Variants in NRG3 observed in about 807,000 individuals in gnomAD.
The protein encoded by NRG3 is pro-neuregulin-3, membrane-bound isoform.
Under a neutral mutation model 66.9 loss-of-function variants are expected in NRG3, and 31 were observed. That is an observed-to-expected ratio of 0.46 (90% confidence interval 0.35 to 0.63). The LOEUF (loss-of-function observed/expected upper bound fraction) is 0.63, where lower values mean the gene tolerates loss of function less well. Among genes scored for constraint, NRG3 ranks in the 20% least tolerant of loss-of-function variants. NRG3 has a pLI of 0.00. For synonymous variants in NRG3, 393 were observed against 359.4 expected (o/e 1.09, Z -1.06); for missense variants, 910 against 878.9 (o/e 1.04, Z -0.45).
intron 1 of NRG3, among the ~76,000 whole-genome samples, chr10:81,983,769 T>C (rs1334986820): frequency 3.9e-5 from 6 of 152,232 alleles, no homozygotes; most frequent in African/African-American, 1.4e-4. Flanking sequence ...AGTATCTTTC[T>C]TGTTTTACTC....
At chr10:82,138,572 TTTA>T (rs1348872802) in intron 1 of NRG3, among the ~76,000 whole-genome samples, 23 of 151,998 alleles carry the variant, frequency 1.5e-4, no homozygotes, top group Admixed American at 1.5e-3. Flanking sequence ...TGAAAGGGAG[TTTA>T]TTAAGGAGAA....
intron 3 of NRG3, among the ~76,000 whole-genome samples, chr10:82,743,345 G>A (rs1216923209): frequency 6.6e-6 from 1 of 152,110 alleles, no homozygotes; most frequent in African/African-American, 2.4e-5. Context: ...AAAGCACCTG[G>A]AAAGATGCTA....
Position 82,720,810 on chromosome 10 carries a change from C to CATATACATATATATATATATATATATAT in NRG3, c.954-17762_954-17761insCATATATATATATATATATATATATATA, listed in dbSNP as rs571675177. Among the ~76,000 whole-genome samples, 70 of 114,686 alleles carry CATATACATATATATATATATATATATAT rather than the reference C, an allele frequency of 6.1e-4. 1 individual carries two copies. Among genetic ancestry groups the CATATACATATATATATATATATATATAT allele is most frequent in the African/African-American group, 2.5e-3 (58 of 22,806 alleles). 75.2% of individuals were successfully genotyped at this position (114,686 alleles called of 152,430 possible). A position where few individuals can be genotyped will look rare whatever the true frequency, so the allele number is the denominator to read the frequency against. Reference sequence around the variant, plus strand: ...AACACATATATAGGAGTATTTTATACATATATATATATATATATATATATA... The same window carrying CATATACATATATATATATATATATATAT: ...AACACATATATAGGAGTATTTTATACATATACATATATATATATATATATATATATATATATATATATATATATATATA... On this transcript the variant is annotated intron_variant, in intron 2 of 8. Coordinates refer to ENST00000372141, the MANE Select transcript of NRG3 (RefSeq NM_001010848.4).
At position 82,973,996 on chromosome 10, in the gene NRG3, A is replaced by G. The variant is rs1852013340; in HGVS notation, c.1412+81A>G. ...GTGGCACATGCCAAGGACTGGCAGC[A>G]TGACTTAGGAGAGACAACTGTTCTT... On this transcript the variant is annotated intron_variant, in intron 7 of 8. Transcript: ENST00000372141. 3 of 1,513,170 alleles carry G rather than the reference A, an allele frequency of 2.0e-6. No homozygotes were observed. The African/African-American group carries it at 4.1e-5, about 21-fold the overall frequency. 93.7% of individuals were successfully genotyped at this position (1,513,170 alleles called of 1,614,324 possible). A position where few individuals can be genotyped will look rare whatever the true frequency, so the allele number is the denominator to read the frequency against.
intron 2 of NRG3, among the ~76,000 whole-genome samples, chr10:82,402,317 T>G: frequency 6.6e-6 from 1 of 152,296 alleles, no homozygotes; most frequent in East Asian, 1.9e-4. Flanking sequence ...ATGAACCTTC[T>G]GAAATTTCAG....
chr10:82,516,061 T>C (rs909819962), intron 2 of NRG3, among the ~76,000 whole-genome samples: 1 of 152,130 alleles, frequency 6.6e-6, no homozygotes, highest in African/African-American at 2.4e-5. Context: ...TCAGAACTTG[T>C]ATGGCCAATC....
At chr10:82,531,622 A>G (rs1468027817) in intron 2 of NRG3, among the ~76,000 whole-genome samples, 1 of 151,876 alleles carries the variant, frequency 6.6e-6, no homozygotes, top group Non-Finnish European at 1.5e-5. Flanking sequence ...CCCAGTTTAC[A>G]CATTAAATCA....
At chr10:81,890,819 T>A (rs1023968342) in intron 1 of NRG3, among the ~76,000 whole-genome samples, 1 of 152,204 alleles carries the variant, frequency 6.6e-6, no homozygotes, top group Non-Finnish European at 1.5e-5. Flanking sequence ...AGAGTGTCTA[T>A]GCAAGCAAGC....
rs76016230 is a variant in NRG3, at chr10:82,335,228, T to C, written c.824-23511T>C. Among the ~76,000 whole-genome samples, 1,054 of 152,292 alleles carry C rather than the reference T, an allele frequency of 6.9e-3. 10 individuals are homozygous for C. The highest frequency in any genetic ancestry group is 0.024 in the African/African-American group (995 of 41,568). ...TGTTTAGATGTGATGCCTAAAATCA[T>C]GGCAGCTATCTGTGACAAGGGAGCC... On this transcript the variant is annotated intron_variant, in intron 1 of 8. Coordinates refer to ENST00000372141, the MANE Select transcript of NRG3 (RefSeq NM_001010848.4).
At chr10:82,339,591 T>G (rs1025318896) in intron 1 of NRG3, among the ~76,000 whole-genome samples, 1 of 152,156 alleles carries the variant, frequency 6.6e-6, no homozygotes, top group African/African-American at 2.4e-5. Flanking sequence ...AAGATGAGAT[T>G]TGGGTGGGGA....
At chr10:82,798,798 TG>T (rs1350727711) in intron 3 of NRG3, among the ~76,000 whole-genome samples, 1 of 152,186 alleles carries the variant, frequency 6.6e-6, no homozygotes, top group Non-Finnish European at 1.5e-5. Flanking sequence ...TTTTTGTGTG[TG>T]GAATTTTTAA....
chr10:82,497,898 A>G (rs1289464303), intron 2 of NRG3, among the ~76,000 whole-genome samples: 3 of 152,034 alleles, frequency 2.0e-5, no homozygotes, highest in African/African-American at 7.2e-5. Context: ...TCTCACCAAC[A>G]CTTGTTGCCT....
intron 1 of NRG3, among the ~76,000 whole-genome samples, chr10:82,248,666 G>A (rs2077354675): frequency 6.6e-6 from 1 of 152,158 alleles, no homozygotes; most frequent in East Asian, 1.9e-4. Context: ...TGCAACATAA[G>A]TGCTGCCATT....
At chr10:82,351,243 C>A (rs992833371) in intron 1 of NRG3, among the ~76,000 whole-genome samples, 1 of 152,120 alleles carries the variant, frequency 6.6e-6, no homozygotes, top group Admixed American at 6.6e-5. Flanking sequence ...TACAGGGAGA[C>A]CAGACAGGAG....
chr10:82,829,188 C>T (rs1408598567), intron 3 of NRG3, among the ~76,000 whole-genome samples: 1 of 151,958 alleles, frequency 6.6e-6, no homozygotes, highest in Non-Finnish European at 1.5e-5. Context: ...CAGTTTTCAC[C>T]CAACTCTAGT....
chr10:81,894,358 ATTTAT>A (rs554188829), intron 1 of NRG3, among the ~76,000 whole-genome samples: 2 of 152,222 alleles, frequency 1.3e-5, no homozygotes, highest in South Asian at 4.1e-4. Flanking sequence ...AAAGAAAATA[ATTTAT>A]TTTTATTTTC....
intron 2 of NRG3, among the ~76,000 whole-genome samples, chr10:82,611,416 C>G (rs896855370): frequency 7.9e-5 from 12 of 152,106 alleles, no homozygotes; most frequent in African/African-American, 2.9e-4. Flanking sequence ...ATCCCTCCCC[C>G]AGCCCCTCCA....
chr10:82,722,961 A>G (rs1015412521), intron 2 of NRG3, among the ~76,000 whole-genome samples: 5 of 152,084 alleles, frequency 3.3e-5, no homozygotes, highest in African/African-American at 1.2e-4. Flanking sequence ...CCGTCCCACT[A>G]CTAGTATATA....
intron 2 of NRG3, among the ~76,000 whole-genome samples, chr10:82,428,659 G>A (rs1367665123): frequency 6.6e-6 from 1 of 151,882 alleles, no homozygotes; most frequent in Non-Finnish European, 1.5e-5. Flanking sequence ...AATGTTCTGT[G>A]TGAACTGGAA....
Sources: allele counts gnomAD v4.1 joint callset (sites outside exome capture counted in the v4.1 genomes callset), GRCh38; gene constraint gnomAD v4.1.1; transcripts MANE v1.5; gene names NCBI Gene and HGNC (gene_info 2026-07-23, HGNC 2026-07-21).